Variants in ANTXR1 observed in about 807,000 individuals in gnomAD.
The protein encoded by ANTXR1 is ANTXR cell adhesion molecule 1.
Under a neutral mutation model 78.1 loss-of-function variants are expected in ANTXR1, and 19 were observed. That is an observed-to-expected ratio of 0.24 (90% CI 0.17 to 0.36). ANTXR1 has a LOEUF of 0.36. Ranked by LOEUF, ANTXR1 falls within the 10% of genes least tolerant of loss-of-function variation. The pLI is 1.00. For missense variants in ANTXR1, 518 were observed against 718.6 expected (o/e 0.72, Z 3.19); for synonymous variants, 273 against 260.5 (o/e 1.05, Z -0.46).
chr2:69,045,378 A>G (rs1669733223), intron 3 of ANTXR1, among the ~76,000 whole-genome samples: 1 of 152,228 alleles, frequency 6.6e-6, no homozygotes, highest in South Asian at 2.1e-4. Context: ...GCCACATTTT[A>G]CTTGCAGATG....
chr2:69,180,563 G>C (rs557917036), intron 14 of ANTXR1, among the ~76,000 whole-genome samples: 1 of 152,130 alleles, frequency 6.6e-6, no homozygotes, highest in Non-Finnish European at 1.5e-5. Flanking sequence ...CTAACTTCTT[G>C]TCACTGAGCT....
intron 12 of ANTXR1, among the ~76,000 whole-genome samples, chr2:69,139,563 T>C (rs1424494376): frequency 1.3e-5 from 2 of 152,226 alleles, no homozygotes; most frequent in African/African-American, 4.8e-5. Flanking sequence ...CTTTAAGGAA[T>C]TGATCATCAT....
intron 17 of ANTXR1, among the ~76,000 whole-genome samples, chr2:69,243,309 G>A (rs533398330): frequency 6.6e-6 from 1 of 152,306 alleles, no homozygotes; most frequent in South Asian, 2.1e-4. Flanking sequence ...GAGCAGCAAA[G>A]CACAAAACAA....
At chr2:69,080,917 G>A (rs982180792) in intron 8 of ANTXR1, among the ~76,000 whole-genome samples, 2 of 152,122 alleles carry the variant, frequency 1.3e-5, no homozygotes, top group Admixed American at 6.5e-5. Flanking sequence ...TGAAGAAGCA[G>A]GCAGAAGCTA....
intron 6 of ANTXR1, among the ~76,000 whole-genome samples, chr2:69,074,691 A>G (rs1484512071): frequency 6.6e-6 from 1 of 152,216 alleles, no homozygotes; most frequent in Non-Finnish European, 1.5e-5. Context: ...AAAAAAAGAC[A>G]TAAGTTTTTG....
At chr2:69,193,845 G>C (rs1674601342) in intron 17 of ANTXR1, among the ~76,000 whole-genome samples, 1 of 152,192 alleles carries the variant, frequency 6.6e-6, no homozygotes, top group African/African-American at 2.4e-5. Context: ...GCACTGCAAG[G>C]ATGGGGTGAG....
At chr2:69,066,081 T>C (rs1670388836) in intron 3 of ANTXR1, among the ~76,000 whole-genome samples, 1 of 152,210 alleles carries the variant, frequency 6.6e-6, no homozygotes, top group Non-Finnish European at 1.5e-5. Flanking sequence ...ATAAGCTCTT[T>C]TACAAGAAGA....
At chr2:69,233,185 T>A (rs1383223997) in intron 17 of ANTXR1, among the ~76,000 whole-genome samples, 2 of 152,130 alleles carry the variant, frequency 1.3e-5, no homozygotes, top group Non-Finnish European at 2.9e-5. Flanking sequence ...ATCTCATGCT[T>A]GTGTACTTGT....
chr2:69,036,265 G>A (rs952134105), intron 1 of ANTXR1, among the ~76,000 whole-genome samples: 3 of 152,126 alleles, frequency 2.0e-5, no homozygotes, highest in African/African-American at 7.2e-5. Flanking sequence ...TATATTTACA[G>A]GGTACATGAG....
In ANTXR1 at chr2:69,182,585, A is replaced by G; in HGVS notation, c.1278A>G (p.Glu426=). 10 of 1,614,180 alleles carry G rather than the reference A, an allele frequency of 6.2e-6. No homozygotes were observed. The highest frequency in any genetic ancestry group is 8.5e-6 in the Non-Finnish European group (10 of 1,180,036). ...TCAAGATGCCGGAGCAGGAATATGA[A>G]TTCCCTGAGCCGCGAAATCTCAACA... ...ARVKMPEQEY[E]FPEPRNLNNN... is the part of the protein sequence containing the mutation. The change falls in exon 16 of 18, where the codon GAA becomes GAG. Residue 426 remains glutamate (E), a synonymous_variant. Coordinates refer to ENST00000303714, the MANE Select transcript of ANTXR1 (RefSeq NM_032208.3).
chr2:69,182,175 C>G (rs1447357792), intron 15 of ANTXR1, among the ~76,000 whole-genome samples: 8 of 152,182 alleles, frequency 5.3e-5, no homozygotes, highest in Non-Finnish European at 7.3e-5. Context: ...CACATCAGCT[C>G]AAACGTCCTC....
intron 12 of ANTXR1, chr2:69,146,412 A>C (rs1261142631): frequency 1.0e-6 from 1 of 971,336 alleles, no homozygotes; most frequent in Non-Finnish European, 1.2e-6. Flanking sequence ...ACTTGGGTTG[A>C]TACTTAGGCT....
chr2:69,193,342 T>G lies in ANTXR1; in HGVS notation c.1361T>G (p.Leu454Arg). ...GCATTTGTTTTATTTCAGGGAAAAC[T>G]CGATGCCTTGTGGGTCCTACTGAGG... is the stretch of plus-strand genomic sequence containing the variant. ...RKWYSPIKGK[L>R]DALWVLLRKG... The change falls in exon 17 of 18, where the codon CTC becomes CGC. Residue 454 changes from leucine (L) to arginine (R), a missense_variant. Transcript: ENST00000303714. The G allele has an allele frequency of 6.2e-7, 1 of 1,613,990 alleles. No individual in the cohort carries two copies. The highest frequency in any genetic ancestry group is 8.5e-7 in the Non-Finnish European group (1 of 1,179,930).
chr2:69,102,614 G>A (rs1323131497), intron 9 of ANTXR1, among the ~76,000 whole-genome samples: 2 of 152,210 alleles, frequency 1.3e-5, no homozygotes, highest in Non-Finnish European at 2.9e-5. Context: ...AAAGGTAAAA[G>A]GGTGGGAATT....
At chr2:69,069,159 G>C (rs1005537340) in intron 3 of ANTXR1, among the ~76,000 whole-genome samples, 6 of 152,008 alleles carry the variant, frequency 3.9e-5, no homozygotes, top group African/African-American at 1.2e-4. Context: ...CCTCACCCAC[G>C]GTCTCCCCAT....
chr2:69,245,128 G>A, intron 17 of ANTXR1, 97 bp from the exon 18 acceptor site: 3 of 1,447,500 alleles, frequency 2.1e-6, no homozygotes, highest in Non-Finnish European at 2.9e-6. Context: ...ACAGGGGCCA[G>A]CTTTCCACAT....
chr2:69,016,091 G>T (rs1671016696), intron 1 of ANTXR1, among the ~76,000 whole-genome samples: 1 of 152,138 alleles, frequency 6.6e-6, no homozygotes, highest in Admixed American at 6.5e-5. Context: ...ATGTAAATTG[G>T]TGCAGTCTTT....
intron 17 of ANTXR1, among the ~76,000 whole-genome samples, chr2:69,217,323 C>A (rs532193932): frequency 6.6e-6 from 1 of 152,296 alleles, no homozygotes; most frequent in South Asian, 2.1e-4. Context: ...CCTAATGAGG[C>A]CTTACTGGAG....
chr2:69,114,561 C>G (rs1213837790), intron 10 of ANTXR1, among the ~76,000 whole-genome samples: 2 of 152,168 alleles, frequency 1.3e-5, no homozygotes, highest in African/African-American at 4.8e-5. Context: ...CAATAATAAC[C>G]CACTTCATTT....
Sources: gnomAD v4.1 joint callset for allele counts (sites outside exome capture counted in the v4.1 genomes callset) on GRCh38, gnomAD v4.1.1 for gene constraint, MANE v1.5 for transcripts, NCBI Gene and HGNC (gene_info 2026-07-23, HGNC 2026-07-21) for gene names.